The following KIAA0319L variants were observed in gnomAD, a reference collection of about 807,000 sequenced individuals.
The protein encoded by KIAA0319L is KIAA0319 like.
In KIAA0319L, 55 loss-of-function variants were observed where a neutral mutation model predicts 120.1. The observed-to-expected ratio is 0.46, with a 90% confidence interval of 0.37 to 0.57. The LOEUF is 0.57. KIAA0319L is among the 20% of genes least tolerant of loss of function. The probability of loss-of-function intolerance (pLI) is 0.00; values close to 1 mark genes in which losing one functional copy is unlikely to be tolerated. For synonymous variants in KIAA0319L, 398 were observed against 471.9 expected (o/e 0.84, Z 2.03); for missense variants, 1,049 against 1,255.3 (o/e 0.84, Z 2.48).
chr1:35,434,834 A>G lies in KIAA0319L; in HGVS notation c.*60T>C. 1 of 1,449,426 alleles carries G rather than the reference A, an allele frequency of 6.9e-7. No homozygotes were observed. The highest frequency in any genetic ancestry group is 1.3e-5 in the South Asian group (1 of 79,768). 89.8% of individuals were successfully genotyped at this position (1,449,426 alleles called of 1,614,324 possible). On this transcript the variant is annotated 3_prime_UTR_variant, in exon 21 of 21. Transcript: ENST00000325722. The stretch of plus-strand genomic sequence containing the variant: ...GACAGCAGCTGCCCGCAGACTCGGG[A>G]GGTAGGAGGACTGGCCGGGCAGTGT...
chr1:35,530,580 A>G (rs1230256895), intron 2 of KIAA0319L, among the ~76,000 whole-genome samples: 1 of 152,112 alleles, frequency 6.6e-6, no homozygotes, highest in Non-Finnish European at 1.5e-5. Context: ...GCAGATCATA[A>G]ATTTTTCACT....
chr1:35,505,203 G>A (rs1482182706), intron 3 of KIAA0319L, among the ~76,000 whole-genome samples: 2 of 152,068 alleles, frequency 1.3e-5, no homozygotes, highest in Non-Finnish European at 2.9e-5. Flanking sequence ...CAGAGTATAA[G>A]CCTTGTTAAG....
chr1:35,501,122 C>G (rs1644989023), intron 3 of KIAA0319L, among the ~76,000 whole-genome samples: 1 of 152,082 alleles, frequency 6.6e-6, no homozygotes, highest in Non-Finnish European at 1.5e-5. Flanking sequence ...TCTTGAAATC[C>G]TACTCACCAG....
At chr1:35,450,140 A>T in intron 14 of KIAA0319L, 135 bp from the exon 15 acceptor site, 1 of 1,116,300 alleles carries the variant, frequency 9.0e-7, no homozygotes, top group South Asian at 1.4e-5. Context: ...GATACGGAAC[A>T]GCATTGCAGC....
At chr1:35,512,674 G>A (rs1645500506) in intron 2 of KIAA0319L, among the ~76,000 whole-genome samples, 1 of 151,884 alleles carries the variant, frequency 6.6e-6, no homozygotes, top group South Asian at 2.1e-4. Context: ...TTCAAGACCA[G>A]CCTGGCCAAC....
At chr1:35,554,320 A>C in intron 2 of KIAA0319L, 30 bp downstream of exon 2, 2 of 1,505,664 alleles carry the variant, frequency 1.3e-6, no homozygotes, top group Non-Finnish European at 1.8e-6. Flanking sequence ...TCTAAAAAAA[A>C]AAATCTTAAA....
At chr1:35,521,601 T>G (rs1171214514) in intron 2 of KIAA0319L, among the ~76,000 whole-genome samples, 3 of 150,556 alleles carry the variant, frequency 2.0e-5, no homozygotes, top group African/African-American at 4.9e-5. Context: ...GCCACTGCAC[T>G]CCAGCCTGGG....
intron 3 of KIAA0319L, among the ~76,000 whole-genome samples, chr1:35,481,710 C>T (rs1416941586): frequency 6.6e-6 from 1 of 151,200 alleles, no homozygotes; most frequent in African/African-American, 2.4e-5. Flanking sequence ...ACATTTGAAA[C>T]CACCAGTACA....
At chr1:35,468,725 G>A (rs1411169934) in intron 6 of KIAA0319L, among the ~76,000 whole-genome samples, 4 of 152,056 alleles carry the variant, frequency 2.6e-5, no homozygotes, top group Non-Finnish European at 4.4e-5. Context: ...GTCAAACTCC[G>A]TATTATTTTT....
chr1:35,483,440 A>T (rs1439426682), intron 3 of KIAA0319L, among the ~76,000 whole-genome samples: 2 of 152,166 alleles, frequency 1.3e-5, no homozygotes, highest in African/African-American at 4.8e-5. Flanking sequence ...GTCAAGGTTC[A>T]TGTTTTTACA....
At chr1:35,551,399 C>T (rs978602897) in intron 2 of KIAA0319L, among the ~76,000 whole-genome samples, 1 of 152,152 alleles carries the variant, frequency 6.6e-6, no homozygotes, top group African/African-American at 2.4e-5. Context: ...TTCACTGCAA[C>T]CCCCGCCTCC....
chr1:35,501,489 G>A lies in KIAA0319L; in HGVS notation c.666+5123C>T, dbSNP rs963819068. On this transcript the variant is annotated intron_variant, in intron 3 of 20. Coordinates refer to ENST00000325722, the MANE Select transcript of KIAA0319L (RefSeq NM_024874.5). The stretch of plus-strand genomic sequence containing the variant: ...GCAGCTATCATCTCCCAATTTACTC[G>A]TCACTCTTCCTATTTTACTGGTGAC... 8.6e-5 allele frequency among the ~76,000 whole-genome samples: 13 copies of A among 151,998 alleles called. No homozygotes were observed. The East Asian group carries it at 9.7e-4, about 11-fold the overall frequency.
chr1:35,504,243 C>A (rs1426856286), intron 3 of KIAA0319L, among the ~76,000 whole-genome samples: 1 of 151,790 alleles, frequency 6.6e-6, no homozygotes, highest in African/African-American at 2.4e-5. Flanking sequence ...GTTGCCCAGG[C>A]TGGAGTGCAG....
chr1:35,454,475 G>A lies in KIAA0319L; in HGVS notation c.1667C>T (p.Thr556Ile). ...CATCGCAGAGAGCTGTAAGGTTGGTGTTCTAACACCCTACAAATACAAATA... is the reference window on the plus strand; with the variant it reads ...CATCGCAGAGAGCTGTAAGGTTGGTATTCTAACACCCTACAAATACAAATA... ...GKVVEMQGVR[T>I]PTLQLSAMQE... Residue 556 changes from threonine to isoleucine, a missense_variant, in exon 11 of 21, where the codon ACA becomes ATA. Coordinates refer to ENST00000325722, the MANE Select transcript of KIAA0319L (RefSeq NM_024874.5). 6.2e-7 allele frequency: 1 copy of A among 1,614,068 alleles called. No individual in the cohort carries two copies. Among genetic ancestry groups the A allele is most frequent in the Non-Finnish European group, 8.5e-7 (1 of 1,179,966 alleles).
chr1:35,496,947 CAAAAA>C (rs754043280), intron 3 of KIAA0319L, among the ~76,000 whole-genome samples: 3 of 50,212 alleles, frequency 6.0e-5, no homozygotes, highest in Non-Finnish European at 1.1e-4. Context: ...ATTGTGTCTC[CAAAAA>C]AAAAAAAAAA....
intron 2 of KIAA0319L, among the ~76,000 whole-genome samples, chr1:35,519,426 T>C (rs919908539): frequency 1.3e-5 from 2 of 152,362 alleles, no homozygotes; most frequent in South Asian, 4.1e-4. Flanking sequence ...TGCTCTCAAA[T>C]GTGGATCCAC....
intron 2 of KIAA0319L, chr1:35,509,625 C>A (rs139655072): frequency 1.3e-5 from 2 of 152,346 alleles, no homozygotes; most frequent in East Asian, 3.8e-4. Context: ...CCTTCTAACA[C>A]CTTGATTTTG....
At chr1:35,443,704 A>G (rs975774898) in intron 17 of KIAA0319L, among the ~76,000 whole-genome samples, 3 of 150,440 alleles carry the variant, frequency 2.0e-5, no homozygotes, top group Admixed American at 6.6e-5. Flanking sequence ...AAATAAATAA[A>G]TAAGCATTAA....
intron 3 of KIAA0319L, among the ~76,000 whole-genome samples, chr1:35,479,996 A>G (rs1373225791): frequency 6.9e-6 from 1 of 145,656 alleles, no homozygotes; most frequent in African/African-American, 2.5e-5. Context: ...TACTTAATCC[A>G]TCTCCCTTTG....
Sources: allele counts gnomAD v4.1 joint callset (sites outside exome capture counted in the v4.1 genomes callset), GRCh38; gene constraint gnomAD v4.1.1; transcripts MANE v1.5; gene names NCBI Gene and HGNC (gene_info 2026-07-23, HGNC 2026-07-21).